The following LACC1 variants were observed in gnomAD, a reference collection of about 807,000 sequenced individuals.
The protein encoded by LACC1 is purine nucleoside phosphorylase LACC1.
A neutral mutation model predicts 34.8 loss-of-function variants in LACC1; 25 were observed. The ratio of observed to expected loss-of-function variants is 0.72; its 90% CI spans 0.52 to 1.00. The LOEUF (loss-of-function observed/expected upper bound fraction) is 1.00. LACC1 is among the 50% of genes least tolerant of loss of function. The pLI is 0.00. For synonymous variants in LACC1, 162 were observed against 168.0 expected (o/e 0.96, Z 0.28); for missense variants, 426 against 511.2 (o/e 0.83, Z 1.61).
At chr13:43,884,355 C>T (rs1368192135) in intron 4 of LACC1, among the ~76,000 whole-genome samples, 1 of 152,086 alleles carries the variant, frequency 6.6e-6, no homozygotes, top group East Asian at 1.9e-4. Context: ...CAACGAAACC[C>T]TCCAAGCTTT....
At chr13:43,885,904 C>T (rs576585363) in intron 4 of LACC1, among the ~76,000 whole-genome samples, 31 of 151,564 alleles carry the variant, frequency 2.0e-4, no homozygotes, top group African/African-American at 7.0e-4. Context: ...CTTAAATCAA[C>T]AAACAAATAA....
At chr13:43,884,089 C>T (rs1057153583) in intron 4 of LACC1, among the ~76,000 whole-genome samples, 153 bp downstream of exon 4, 1 of 152,128 alleles carries the variant, frequency 6.6e-6, no homozygotes, top group African/African-American at 2.4e-5. Flanking sequence ...ATTATAGGGA[C>T]AGCTAAGAGG....
At chr13:43,882,485 G>A in intron 3 of LACC1, 122 bp downstream of exon 3, 1 of 649,568 alleles carries the variant, frequency 1.5e-6, no homozygotes, top group Middle Eastern at 3.9e-4. Flanking sequence ...TTAGAATAAT[G>A]CTGTGGTTGT....
chr13:43,892,154 T>G lies in LACC1; in HGVS notation c.*707T>G, dbSNP rs1955592991. ...AAATGCAATGTCAAAGAGCTTGCAG[T>G]TTATTTTCCAGGCAATGAGTAGGCA... On this transcript the variant is annotated 3_prime_UTR_variant, in exon 7 of 7. Transcript: ENST00000325686. 6.7e-6 allele frequency: 1 copy of G among 149,448 alleles called. No individual in the cohort carries two copies. The highest frequency in any genetic ancestry group is 2.1e-4 in the South Asian group (1 of 4,782). The allele number at this position is 149,448 out of a possible 1,614,324, so 9.3% of individuals were successfully genotyped here. A position where few individuals can be genotyped will look rare whatever the true frequency, so the allele number is the denominator to read the frequency against.
chr13:43,879,740 T>TGAGACGGGGCGAGGTGGGC (rs1954834849), upstream of LACC1: 1 of 129,378 alleles, frequency 7.7e-6, no homozygotes, highest in Non-Finnish European at 1.7e-5. Flanking sequence ...GCGAGGTAGG[T>TGAGACGGGGCGAGGTGGGC]GAGGTGAGGC....
chr13:43,882,334 T>G lies in LACC1; in HGVS notation c.712T>G (p.Phe238Val). ...GCGTAGGTTGGCGAATGCTGCAGGATTTAATGTGGAGAAATTTTACCGAAT... is the reference window on the plus strand; with the variant it reads ...GCGTAGGTTGGCGAATGCTGCAGGAGTTAATGTGGAGAAATTTTACCGAAT... The part of the protein sequence containing the change: ...NLRRLANAAG[F>V]NVEKFYRIKT... Residue 238 changes from phenylalanine (F) to valine (V), a missense_variant, in exon 3 of 7, where the codon TTT (phenylalanine) becomes GTT (valine). By Grantham distance (50) the Phe-to-Val change is conservative. Transcript: ENST00000325686. 1 of 1,609,758 alleles carries G rather than the reference T, an allele frequency of 6.2e-7. No homozygotes were observed. Among genetic ancestry groups the G allele is most frequent in the Non-Finnish European group, 8.5e-7 (1 of 1,178,900 alleles).
rs2138281894 is a variant in LACC1, at chr13:43,882,355, C to T, written c.733C>T (p.Arg245Ter). The change falls in exon 3 of 7, where the codon CGA becomes TGA. Residue 245 changes from arginine (R) to a stop codon, truncating the protein, a stop_gained. Coordinates refer to ENST00000325686, the MANE Select transcript of LACC1 (RefSeq NM_153218.4). LOFTEE classifies it high-confidence loss of function. ...AGGATTTAATGTGGAGAAATTTTAC[C>T]GAATAAAGGTAAAATTTTGCTTTAT... ...AAGFNVEKFY[R>*]IKTHHSNDIW... The T allele has an allele frequency of 2.3e-5, 37 of 1,602,696 alleles. No homozygotes were observed. The highest frequency in any genetic ancestry group is 3.0e-5 in the Non-Finnish European group (35 of 1,176,584).
chr13:43,882,099 C>T, intron 2 of LACC1, 86 bp from the exon 3 acceptor site: 1 of 946,706 alleles, frequency 1.1e-6, no homozygotes, highest in South Asian at 1.8e-5. Context: ...ATAACAAGGG[C>T]AGGTAGCAGT....
chr13:43,888,879 A>C lies in LACC1; in HGVS notation c.1030A>C (p.Thr344Pro). The change falls in exon 5 of 7, where the codon ACT becomes CCT. Residue 344 changes from threonine to proline, a missense_variant. Thr to Pro is a conservative substitution (Grantham distance 38). Coordinates refer to ENST00000325686, the MANE Select transcript of LACC1 (RefSeq NM_153218.4). ...ACCTTCAGTAGGACCTTGCTGTTTT[A>C]CTCTTCCAAGGGAATCAGCAGAGGC... is the stretch of plus-strand genomic sequence containing the variant. ...LGPSVGPCCF[T>P]LPRESAEAFH... is the part of the protein sequence containing the mutation. The C allele has an allele frequency of 3.7e-6, 6 of 1,613,712 alleles. No individual in the cohort carries two copies. Among genetic ancestry groups the C allele is most frequent in the Non-Finnish European group, 5.1e-6 (6 of 1,179,776 alleles).
intron 5 of LACC1, 34 bp from the exon 6 acceptor site, chr13:43,890,080 C>G (rs1955505965): frequency 5.1e-6 from 8 of 1,570,786 alleles, no homozygotes; most frequent in Non-Finnish European, 6.9e-6. Context: ...GGAAAATAAA[C>G]TCTTGCTCTC....
rs776901075 is a variant in LACC1 at position 43,893,673 on chromosome 13, C to A, written c.*2226C>A. The A allele has an allele frequency of 6.6e-6, 1 of 152,002 alleles. No homozygotes were observed. The highest frequency in any genetic ancestry group is 2.4e-5 in the African/African-American group (1 of 41,400). The allele number at this position is 152,002 out of a possible 1,614,324, so 9.4% of individuals were successfully genotyped here. ...AGTGTTAAATTTAAATAAAACACCT[C>A]ATTTTTTCCAATTCAGGGAAGGCAC... On this transcript the variant is annotated 3_prime_UTR_variant, in exon 7 of 7. Transcript: ENST00000325686.
In LACC1 at chr13:43,892,095, A is replaced by G. The variant is rs1955589528; in HGVS notation, c.*648A>G. On this transcript the variant is annotated 3_prime_UTR_variant, in exon 7 of 7. Transcript: ENST00000325686. ...GGGTGTGGGCATGAGTTAGGGCTGG[A>G]AAAACAGGTTGGAAACAGATAAGTA... is the stretch of plus-strand genomic sequence containing the variant. The G allele has an allele frequency of 4.6e-5, 7 of 151,778 alleles. No individual in the cohort carries two copies. In the South Asian group the frequency reaches 1.5e-3, roughly 32 times the overall value. 9.4% of individuals were successfully genotyped at this position (151,778 alleles called of 1,614,324 possible).
In LACC1 at chr13:43,893,122, A is replaced by G. The variant is rs1347894464; in HGVS notation, c.*1675A>G. On this transcript the variant is annotated 3_prime_UTR_variant, in exon 7 of 7. Transcript: ENST00000325686. ...ATATATATTTAATGTAAGTTATCACATTGCATCTTAAAAATATTCTTATTT... is the reference window on the plus strand; with the variant it reads ...ATATATATTTAATGTAAGTTATCACGTTGCATCTTAAAAATATTCTTATTT... 1.3e-5 allele frequency: 2 copies of G among 152,174 alleles called. No individual in the cohort carries two copies. The highest frequency in any genetic ancestry group is 1.9e-4 in the East Asian group (1 of 5,260). The allele number at this position is 152,174 out of a possible 1,614,324, so 9.4% of individuals were successfully genotyped here.
intron 4 of LACC1, among the ~76,000 whole-genome samples, chr13:43,885,631 T>C (rs1955282810): frequency 6.6e-6 from 1 of 152,164 alleles, no homozygotes; most frequent in African/African-American, 2.4e-5. Flanking sequence ...GACTTAAACA[T>C]ATAGCCTAAA....
At position 43,892,128 on chromosome 13, in the gene LACC1, C is replaced by A. The variant is rs1454287082; in HGVS notation, c.*681C>A. 6.8e-6 allele frequency: 1 copy of A among 147,974 alleles called. No individual in the cohort carries two copies. Among genetic ancestry groups the A allele is most frequent in the South Asian group, 2.1e-4 (1 of 4,732 alleles). The allele number at this position is 147,974 out of a possible 1,614,324, so 9.2% of individuals were successfully genotyped here. A position where few individuals can be genotyped will look rare whatever the true frequency, so the allele number is the denominator to read the frequency against. ...GTTGGAAACAGATAAGTAAGGGTCT[C>A]AAATGCAATGTCAAAGAGCTTGCAG... On this transcript the variant is annotated 3_prime_UTR_variant, in exon 7 of 7. Coordinates refer to ENST00000325686, the MANE Select transcript of LACC1 (RefSeq NM_153218.4).
chr13:43,882,542 T>TATAC (rs1555395017), intron 3 of LACC1, among the ~76,000 whole-genome samples, 179 bp downstream of exon 3: 1 of 133,890 alleles, frequency 7.5e-6, no homozygotes, highest in African/African-American at 2.7e-5. Context: ...TTCTATTTTA[T>TATAC]ACACACACAC....
intron 4 of LACC1, among the ~76,000 whole-genome samples, chr13:43,885,101 C>T (rs1202499528): frequency 6.6e-6 from 1 of 151,992 alleles, no homozygotes; most frequent in Admixed American, 6.5e-5. Flanking sequence ...TGAAAGAAAG[C>T]AGAGATAATA....
chr13:43,881,156 A>G lies in LACC1; in HGVS notation c.171A>G (p.Glu57=). 1 of 1,614,232 alleles carries G rather than the reference A, an allele frequency of 6.2e-7. No homozygotes were observed. ...CSNISYERDG[E]QDNCEIETSN... is the part of the protein sequence containing the mutation. ...ACATCAGCTATGAAAGGGATGGAGA[A>G]CAAGATAATTGTGAAATAGAAACAA... Residue 57 remains glutamate (E), a synonymous_variant, in exon 2 of 7, where the codon GAA becomes GAG. Coordinates refer to ENST00000325686, the MANE Select transcript of LACC1 (RefSeq NM_153218.4).
In LACC1 at chr13:43,881,321, G is replaced by A; in HGVS notation, c.336G>A (p.Lys112=). 2 of 1,613,858 alleles carry A rather than the reference G, an allele frequency of 1.2e-6. No homozygotes were observed. The highest frequency in any genetic ancestry group is 1.7e-6 in the Non-Finnish European group (2 of 1,179,866). Reference sequence around the variant, plus strand: ...AGGTAATTGTACCCAGGCACAGGAAGACATTAATGAAAGCTTTTATTGATC... The same window carrying A: ...AGGTAATTGTACCCAGGCACAGGAAAACATTAATGAAAGCTTTTATTGATC... ...SIKVIVPRHR[K]TLMKAFIDQL... The change falls in exon 2 of 7, where the codon AAG becomes AAA. Residue 112 remains lysine, a synonymous_variant. Coordinates refer to ENST00000325686, the MANE Select transcript of LACC1 (RefSeq NM_153218.4).
Sources: allele counts gnomAD v4.1 joint callset (sites outside exome capture counted in the v4.1 genomes callset), GRCh38; gene constraint gnomAD v4.1.1; transcripts MANE v1.5; gene names NCBI Gene and HGNC (gene_info 2026-07-23, HGNC 2026-07-21).